COL26A1: variants seen among roughly 807,000 people sequenced by gnomAD.
The protein encoded by COL26A1 is collagen type XXVI alpha 1 chain, also known as collagen alpha-1(XXVI) chain.
A neutral mutation model predicts 59.3 loss-of-function variants in COL26A1; 41 were observed. The observed-to-expected ratio is 0.69, with a 90% CI of 0.54 to 0.90. The LOEUF is 0.90. COL26A1 is among the 40% of genes least tolerant of loss of function. COL26A1 has a pLI of 0.00. For synonymous variants in COL26A1, 266 were observed against 256.0 expected (o/e 1.04, Z -0.37); for missense variants, 612 against 602.3 (o/e 1.02, Z -0.17).
At chr7:101,393,519 G>C (rs559909815) in intron 1 of COL26A1, among the ~76,000 whole-genome samples, 158 of 152,144 alleles carry the variant, frequency 1.0e-3, no homozygotes, top group African/African-American at 3.5e-3. Context: ...ATTGAGGGTG[G>C]GTCTGCCTTT....
chr7:101,513,684 A>G (rs1350949890), intron 3 of COL26A1, among the ~76,000 whole-genome samples: 2 of 152,124 alleles, frequency 1.3e-5, no homozygotes, highest in African/African-American at 4.8e-5. Context: ...ATTTGGAGGT[A>G]GTTGTCACAA....
intron 2 of COL26A1, among the ~76,000 whole-genome samples, chr7:101,442,105 G>A (rs1233477684): frequency 1.3e-5 from 2 of 152,242 alleles, no homozygotes; most frequent in African/African-American, 4.8e-5. Flanking sequence ...GCTCAGCAGG[G>A]TGCAAACAAC....
intron 11 of COL26A1, among the ~76,000 whole-genome samples, chr7:101,555,091 CT>C (rs1475133305): frequency 6.6e-6 from 1 of 151,678 alleles, no homozygotes; most frequent in Non-Finnish European, 1.5e-5. Context: ...GGGACAGTGG[CT>C]TTGTCTCCTC....
intron 2 of COL26A1, among the ~76,000 whole-genome samples, chr7:101,431,950 C>T (rs908634637): frequency 6.8e-6 from 1 of 146,798 alleles, no homozygotes; most frequent in African/African-American, 2.6e-5. Flanking sequence ...CACCACCATG[C>T]TTGGCTAATT....
intron 3 of COL26A1, among the ~76,000 whole-genome samples, chr7:101,498,876 C>T (rs368407702): frequency 4.6e-5 from 7 of 152,170 alleles, no homozygotes; most frequent in South Asian, 2.1e-4. Context: ...CCCCACCGCG[C>T]GCGGCACCCC....
intron 1 of COL26A1, among the ~76,000 whole-genome samples, chr7:101,391,853 CCTTT>C (rs1791736356): frequency 7.5e-6 from 1 of 132,858 alleles, no homozygotes; most frequent in Non-Finnish European, 1.6e-5. Context: ...CCATGCCAAG[CCTTT>C]CTTTTCTTTT....
At chr7:101,484,732 C>G (rs993379339) in intron 3 of COL26A1, among the ~76,000 whole-genome samples, 5 of 151,788 alleles carry the variant, frequency 3.3e-5, no homozygotes, top group African/African-American at 9.7e-5. Flanking sequence ...GTGGCACAGT[C>G]TCGGCTCACT....
rs929924061 is a variant in COL26A1, at chr7:101,441,510, G to T, written c.282-6174G>T. Among the ~76,000 whole-genome samples, 21 of 152,138 alleles carry T rather than the reference G, an allele frequency of 1.4e-4. No individual in the cohort carries two copies. The South Asian group carries it at 1.7e-3, about 12-fold the overall frequency. On this transcript the variant is annotated intron_variant, in intron 2 of 12. Transcript: ENST00000313669. ...TGTGTGTGTTTTTAGTAGAGATGGG[G>T]TTTCACCATGTTGGCCAGGCTGGTC...
chr7:101,419,911 C>T (rs1792470606), intron 1 of COL26A1, 66 bp from the exon 2 acceptor site: 7 of 1,576,214 alleles, frequency 4.4e-6, no homozygotes, highest in Admixed American at 1.8e-5. Flanking sequence ...CCAGCACGGC[C>T]CCCTGACCCG....
intron 3 of COL26A1, among the ~76,000 whole-genome samples, chr7:101,458,481 C>A (rs1196365310): frequency 1.3e-5 from 2 of 151,452 alleles, no homozygotes; most frequent in Non-Finnish European, 2.9e-5. Context: ...ACTAAAAATC[C>A]AAAAAAACTA....
intron 1 of COL26A1, among the ~76,000 whole-genome samples, chr7:101,419,202 G>A (rs1437488530): frequency 1.3e-5 from 2 of 150,638 alleles, no homozygotes; most frequent in East Asian, 3.9e-4. Context: ...TATGATCCTG[G>A]GCTCAAGCCA....
intron 1 of COL26A1, among the ~76,000 whole-genome samples, chr7:101,366,937 T>C (rs1791061545): frequency 6.6e-6 from 1 of 152,226 alleles, no homozygotes; most frequent in Admixed American, 6.5e-5. Context: ...CTCCACGCTG[T>C]TGACTTGTTG....
intron 3 of COL26A1, among the ~76,000 whole-genome samples, chr7:101,510,599 C>T (rs1330240530): frequency 2.6e-5 from 4 of 152,234 alleles, no homozygotes; most frequent in Non-Finnish European, 5.9e-5. Flanking sequence ...CCTCAAATTC[C>T]TGGGCTCCAG....
chr7:101,544,239 A>G, intron 6 of COL26A1, 143 bp downstream of exon 6: 1 of 612,556 alleles, frequency 1.6e-6, no homozygotes, highest in East Asian at 2.8e-5. Flanking sequence ...TTTTTTTTTA[A>G]TTTTTTGAGA....
intron 1 of COL26A1, among the ~76,000 whole-genome samples, chr7:101,409,625 C>T (rs558338722): frequency 6.6e-6 from 1 of 152,346 alleles, no homozygotes; most frequent in South Asian, 2.1e-4. Context: ...GATCAGGGTT[C>T]TCACCCACCA....
In COL26A1 at chr7:101,531,519, C is replaced by G. The variant is rs377118960; in HGVS notation, c.386-1563C>G. Among the ~76,000 whole-genome samples, 8 of 152,290 alleles carry G rather than the reference C, an allele frequency of 5.3e-5. 1 individual carries two copies. Among genetic ancestry groups the G allele is most frequent in the Admixed American group, 6.5e-5 (1 of 15,286 alleles). On this transcript the variant is annotated intron_variant, in intron 3 of 12. Coordinates refer to ENST00000313669, the MANE Select transcript of COL26A1 (RefSeq NM_001278563.3). The stretch of plus-strand genomic sequence containing the variant: ...AAGGTTTTATGGAGGAGAAAGAGTT[C>G]TATTCCTTAACAAATGCTTATAAAT...
intron 3 of COL26A1, among the ~76,000 whole-genome samples, chr7:101,478,083 A>G (rs558740389): frequency 8.9e-4 from 135 of 152,246 alleles, no homozygotes; most frequent in Admixed American, 2.0e-3. Context: ...CCCAGGTTGA[A>G]GCGATTCTCC....
chr7:101,374,286 G>A (rs1271108657), intron 1 of COL26A1, among the ~76,000 whole-genome samples: 3 of 152,096 alleles, frequency 2.0e-5, no homozygotes, highest in African/African-American at 7.2e-5. Flanking sequence ...GGAGGAGAGC[G>A]GTGTGCGTTC....
chr7:101,425,113 G>A (rs1009601622), intron 2 of COL26A1, among the ~76,000 whole-genome samples: 5 of 151,756 alleles, frequency 3.3e-5, no homozygotes, highest in Admixed American at 6.6e-5. Context: ...TTGGCCAGGC[G>A]CGGTGGCTCA....
Sources: gnomAD v4.1 joint callset for allele counts (sites outside exome capture counted in the v4.1 genomes callset) on GRCh38, gnomAD v4.1.1 for gene constraint, MANE v1.5 for transcripts, NCBI Gene and HGNC (gene_info 2026-07-23, HGNC 2026-07-21) for gene names.